The following KIF1C variants were observed in gnomAD, a reference collection of about 807,000 sequenced individuals.
KIF1C encodes kinesin family member 1C.
KIF1C carries 61 observed loss-of-function variants against 126.5 expected under a neutral mutation model. That is an observed-to-expected ratio of 0.48 (90% confidence interval 0.39 to 0.60). The LOEUF is 0.60. Ranked by LOEUF, KIF1C falls within the 20% of genes least tolerant of loss-of-function variation. KIF1C has a pLI of 0.00. For synonymous variants in KIF1C, 640 were observed against 580.6 expected (o/e 1.10, Z -1.47); for missense variants, 1,315 against 1,489.2 (o/e 0.88, Z 1.93).
chr17:5,014,659 C>A, intron 17 of KIF1C, 84 bp from the exon 18 acceptor site: 2 of 973,120 alleles, frequency 2.1e-6, no homozygotes, highest in South Asian at 2.9e-5. Flanking sequence ...TGGCTTGGTT[C>A]ATTGAGTTGG....
chr17:5,022,803 C>G lies in KIF1C; in HGVS notation c.2628+94C>G, dbSNP rs1002186843. 4 of 1,384,368 alleles carry G rather than the reference C, an allele frequency of 2.9e-6. No homozygotes were observed. Among genetic ancestry groups the G allele is most frequent in the African/African-American group, 2.9e-5 (2 of 68,750 alleles). The allele number at this position is 1,384,368 out of a possible 1,614,324, so 85.8% of individuals were successfully genotyped here. On this transcript the variant is annotated intron_variant, in intron 22 of 22. Transcript: ENST00000320785. The surrounding 1 kb of genome is among the most constrained non-coding windows in gnomAD (Gnocchi z 4.9). ...TCTCAGAGCCTAACCTTCCCCAAGT[C>G]TGGAAAAAATTGCATTGAAGTATAG...
At chr17:5,000,015 C>T in intron 2 of KIF1C, 45 bp downstream of exon 2, 1 of 537,956 alleles carries the variant, frequency 1.9e-6, no homozygotes, top group Middle Eastern at 5.0e-4. Flanking sequence ...TGGAATATGG[C>T]TGGGGAGAGA....
At chr17:5,017,464 C>T (rs531065974) in intron 18 of KIF1C, among the ~76,000 whole-genome samples, 4 of 151,960 alleles carry the variant, frequency 2.6e-5, no homozygotes, top group African/African-American at 7.3e-5. Context: ...CCACCACACC[C>T]GGCTCATTTT....
Position 5,026,531 on chromosome 17 carries a change from G to A in KIF1C, c.*2380G>A, listed in dbSNP as rs1359078527. 2.0e-5 allele frequency: 3 copies of A among 152,322 alleles called. No individual in the cohort carries two copies. The highest frequency in any genetic ancestry group is 7.3e-5 in the African/African-American group (3 of 41,326). 9.4% of individuals were successfully genotyped at this position (152,322 alleles called of 1,614,324 possible). ...TTGGGAGGCTGAGGCAGGAGGATCA[G>A]TTGAGTCCAGGAGTTCGAGACCAGC... On this transcript the variant is annotated 3_prime_UTR_variant, in exon 23 of 23. Transcript: ENST00000320785.
Position 5,024,210 on chromosome 17 carries a change from C to CCGAGA in KIF1C, c.*62_*66dup. On this transcript the variant is annotated 3_prime_UTR_variant, in exon 23 of 23. Coordinates refer to ENST00000320785, the MANE Select transcript of KIF1C (RefSeq NM_006612.6). ...CCCTTGCTAGGAGAAGGGAAGACGC[C>CCGAGA]CGAGACGCTGCTTCCCCAGAAGTGC... The CCGAGA allele has an allele frequency of 8.1e-7, 1 of 1,239,238 alleles. No homozygotes were observed. Among genetic ancestry groups the CCGAGA allele is most frequent in the South Asian group, 1.4e-5 (1 of 72,260 alleles). The allele number at this position is 1,239,238 out of a possible 1,614,324, so 76.8% of individuals were successfully genotyped here. A position where few individuals can be genotyped will look rare whatever the true frequency, so the allele number is the denominator to read the frequency against.
rs568166674 is a variant in KIF1C at position 5,027,135 on chromosome 17, T to C, written c.*2984T>C. 3 of 152,342 alleles carry C rather than the reference T, an allele frequency of 2.0e-5. No homozygotes were observed. Among genetic ancestry groups the C allele is most frequent in the Admixed American group, 6.5e-5 (1 of 15,304 alleles). The allele number at this position is 152,342 out of a possible 1,614,324, so 9.4% of individuals were successfully genotyped here. A position where few individuals can be genotyped will look rare whatever the true frequency, so the allele number is the denominator to read the frequency against. ...GAGGTTTTGTTTATTTATTTTTATTTATTTATTTTTTGAGACGGAGTCTCG... is the reference window on the plus strand; with the variant it reads ...GAGGTTTTGTTTATTTATTTTTATTCATTTATTTTTTGAGACGGAGTCTCG... On this transcript the variant is annotated 3_prime_UTR_variant, in exon 23 of 23. Coordinates refer to ENST00000320785, the MANE Select transcript of KIF1C (RefSeq NM_006612.6).
At position 5,022,988 on chromosome 17, in the gene KIF1C, A is replaced by C. The variant is rs1346535713; in HGVS notation, c.2628+279A>C. Among the ~76,000 whole-genome samples, 2 of 152,204 alleles carry C rather than the reference A, an allele frequency of 1.3e-5. No individual in the cohort carries two copies. Among genetic ancestry groups the C allele is most frequent in the South Asian group, 2.1e-4 (1 of 4,830 alleles). ...TCTGGGTGTTTCTGAAATACAGTGA[A>C]GTCTAAGACCCACTGATATAAAGTT... On this transcript the variant is annotated intron_variant, in intron 22 of 22. Transcript: ENST00000320785. This position sits in a 1 kb window ranked among gnomAD's most constrained non-coding sequence, Gnocchi z 4.9.
Position 5,023,964 on chromosome 17 carries a change from G to A in KIF1C, c.3125G>A (p.Gly1042Glu), listed in dbSNP as rs1202209298. 1.3e-6 allele frequency: 2 copies of A among 1,580,506 alleles called. No individual in the cohort carries two copies. The highest frequency in any genetic ancestry group is 1.4e-5 in the African/African-American group (1 of 73,684). Residue 1042 changes from glycine to glutamate, a missense_variant, in exon 23 of 23, where the codon GGA becomes GAA. By Grantham distance (98) the Gly-to-Glu change is moderately conservative. This residue lies in a region of KIF1C where 441 missense variants were observed against 436.1 expected (regional missense o/e 1.01). Coordinates refer to ENST00000320785, the MANE Select transcript of KIF1C (RefSeq NM_006612.6). The surrounding 1 kb of genome is among the most constrained non-coding windows in gnomAD (Gnocchi z 4.2). ...CTGGATGGAGGGGGCCGATCCCGGG[G>A]AGCGGGTTCTGCACAGCCTGAACCC... is the stretch of plus-strand genomic sequence containing the variant. ...NSLDGGGRSRGAGSAQPEPQH... is the reference protein window; with the variant it reads ...NSLDGGGRSREAGSAQPEPQH...
intron 18 of KIF1C, among the ~76,000 whole-genome samples, chr17:5,016,076 AC>A (rs1974965379): frequency 6.6e-6 from 1 of 150,802 alleles, no homozygotes; most frequent in Non-Finnish European, 1.5e-5. Flanking sequence ...TGCCTCAGAG[AC>A]CTAGGAGTGC....
In KIF1C at chr17:5,027,268, A is replaced by T. The variant is rs758378433; in HGVS notation, c.*3117A>T. 3.3e-5 allele frequency: 5 copies of T among 152,198 alleles called. No homozygotes were observed. The highest frequency in any genetic ancestry group is 5.9e-5 in the Non-Finnish European group (4 of 68,066). The allele number at this position is 152,198 out of a possible 1,614,324, so 9.4% of individuals were successfully genotyped here. A position where few individuals can be genotyped will look rare whatever the true frequency, so the allele number is the denominator to read the frequency against. On this transcript the variant is annotated 3_prime_UTR_variant, in exon 23 of 23. Transcript: ENST00000320785. ...CTCAGCCTCCTGAGTAGCTAGGATT[A>T]CAGGCGCCCACAACCGCACCCGGCT...
Position 5,025,619 on chromosome 17 carries a change from TC to T in KIF1C, c.*1470del, listed in dbSNP as rs1488718828. The T allele has an allele frequency of 6.6e-6, 1 of 151,722 alleles. No homozygotes were observed. Among genetic ancestry groups the T allele is most frequent in the East Asian group, 2.0e-4 (1 of 5,122 alleles). The allele number at this position is 151,722 out of a possible 1,614,324, so 9.4% of individuals were successfully genotyped here. A position where few individuals can be genotyped will look rare whatever the true frequency, so the allele number is the denominator to read the frequency against. Reference sequence around the variant, plus strand: ...TCACGAGGTCAGGAGATCGAGACCATCCTGGCTATCATGGTGAAACCCCATC... The same window carrying T: ...TCACGAGGTCAGGAGATCGAGACCATCTGGCTATCATGGTGAAACCCCATC... On this transcript the variant is annotated 3_prime_UTR_variant, in exon 23 of 23. Coordinates refer to ENST00000320785, the MANE Select transcript of KIF1C (RefSeq NM_006612.6).
Position 5,022,705 on chromosome 17 carries a change from C to T in KIF1C, c.2624C>T (p.Ala875Val). Reference protein sequence around the residue: ...MLRMERVIPLAQDHEDENEEG... With the variant: ...MLRMERVIPLVQDHEDENEEG... ...CGCATGGAGAGGGTCATCCCCCTGG[C>T]CCAGGTAGGACTGGCCTTCTGCCTC... is the stretch of plus-strand genomic sequence containing the variant. The change falls in exon 22 of 23, where the codon GCC becomes GTC. Residue 875 changes from alanine (A) to valine (V), a missense_variant. Around this residue, in one of 2 missense-constraint regions of KIF1C, gnomAD observed 441 missense variants for 436.1 expected, o/e 1.01. Coordinates refer to ENST00000320785, the MANE Select transcript of KIF1C (RefSeq NM_006612.6). The surrounding 1 kb of genome is among the most constrained non-coding windows in gnomAD (Gnocchi z 4.9). 1 of 1,538,788 alleles carries T rather than the reference C, an allele frequency of 6.5e-7. No individual in the cohort carries two copies. The highest frequency in any genetic ancestry group is 8.7e-7 in the Non-Finnish European group (1 of 1,144,608).
chr17:5,022,447 C>G lies in KIF1C; in HGVS notation c.2366C>G (p.Pro789Arg). Residue 789 changes from proline (P) to arginine (R), a missense_variant, in exon 22 of 23, where the codon CCA (proline) becomes CGA (arginine). By Grantham distance (103) the Pro-to-Arg change is moderately radical (BLOSUM62 -2). Coordinates refer to ENST00000320785, the MANE Select transcript of KIF1C (RefSeq NM_006612.6). The surrounding 1 kb of genome is among the most constrained non-coding windows in gnomAD (Gnocchi z 4.9). ...GAGCTGTGTCGCACCTATGGCAAGCCAGACGGCCCCGGAGACGCCTGGAGG... is the reference window on the plus strand; with the variant it reads ...GAGCTGTGTCGCACCTATGGCAAGCGAGACGGCCCCGGAGACGCCTGGAGG... ...MRELCRTYGK[P>R]DGPGDAWRAV... is the part of the protein sequence containing the mutation. 1 of 1,583,036 alleles carries G rather than the reference C, an allele frequency of 6.3e-7. No homozygotes were observed. Among genetic ancestry groups the G allele is most frequent in the South Asian group, 1.1e-5 (1 of 87,576 alleles).
chr17:5,021,419 G>T (rs866741705), intron 21 of KIF1C, among the ~76,000 whole-genome samples: 1 of 151,530 alleles, frequency 6.6e-6, no homozygotes, highest in Non-Finnish European at 1.5e-5. Context: ...CAGGTGATCC[G>T]CCTGCCTCAG....
chr17:5,014,931 G>A, intron 18 of KIF1C, 94 bp downstream of exon 18: 3 of 1,013,834 alleles, frequency 3.0e-6, no homozygotes, highest in Non-Finnish European at 4.4e-6. Context: ...TGGGCACCAG[G>A]GAGTGCAGCC....
In KIF1C at chr17:4,998,162, G is replaced by C. The variant is rs1477711393; in HGVS notation, c.-149+6G>C. On this transcript the variant is annotated splice_donor_region_variant and intron_variant, in intron 1 of 22. Transcript: ENST00000320785. The stretch of plus-strand genomic sequence containing the variant: ...GGGAGCCCCGCCGCGCCGAGGTGAG[G>C]GCTGGGGAAGGGGGAGGGAAGGGAC... The C allele has an allele frequency of 6.6e-6, 1 of 152,452 alleles. No homozygotes were observed. The highest frequency in any genetic ancestry group is 1.5e-5 in the Non-Finnish European group (1 of 68,242). 9.4% of individuals were successfully genotyped at this position (152,452 alleles called of 1,614,324 possible).
In KIF1C at chr17:5,022,524, G is replaced by A. The variant is rs776041349; in HGVS notation, c.2443G>A (p.Ala815Thr). 26 of 1,587,550 alleles carry A rather than the reference G, an allele frequency of 1.6e-5. No individual in the cohort carries two copies. Among genetic ancestry groups the A allele is most frequent in the Non-Finnish European group, 2.1e-5 (25 of 1,166,224 alleles). Residue 815 changes from alanine to threonine, a missense_variant, in exon 22 of 23, where the codon GCT becomes ACT. By Grantham distance (58) the Ala-to-Thr change is moderately conservative. This residue lies in a region of KIF1C where 441 missense variants were observed against 436.1 expected (regional missense o/e 1.01). Transcript: ENST00000320785. This position sits in a 1 kb window ranked among gnomAD's most constrained non-coding sequence, Gnocchi z 4.9. ...TGTAGGCGAGGAGGAAGGAGGTGGA[G>A]CTGGCAGTGGTGGTGGCAGTGAGGA... is the stretch of plus-strand genomic sequence containing the variant. ...DTVGEEEGGGAGSGGGSEEGA... is the reference protein window; with the variant it reads ...DTVGEEEGGGTGSGGGSEEGA...
At chr17:5,003,433 G>A (rs1469910951) in intron 8 of KIF1C, among the ~76,000 whole-genome samples, 179 bp from the exon 9 acceptor site, 1 of 152,086 alleles carries the variant, frequency 6.6e-6, no homozygotes, top group Non-Finnish European at 1.5e-5. Context: ...TTGTAATTGA[G>A]TGAGTAACCA....
In KIF1C at chr17:5,000,798, G is replaced by A. The variant is rs1288378400; in HGVS notation, c.133G>A (p.Asp45Asn). The A allele has an allele frequency of 1.9e-6, 3 of 1,614,070 alleles. No homozygotes were observed. Among genetic ancestry groups the A allele is most frequent in the Admixed American group, 1.7e-5 (1 of 60,016 alleles). Reference sequence around the variant, plus strand: ...CATCATCAATCCTAAACAGAGCAAGGATGCCCCCAAAAGCTTCACCTTTGA... The same window carrying A: ...CATCATCAATCCTAAACAGAGCAAGAATGCCCCCAAAAGCTTCACCTTTGA... The part of the protein sequence containing the change: ...TSIINPKQSK[D>N]APKSFTFDYS... The change falls in exon 4 of 23, where the codon GAT (aspartate) becomes AAT (asparagine). Residue 45 changes from aspartate (D) to asparagine (N), a missense_variant. Asp to Asn is a conservative substitution (Grantham distance 23, BLOSUM62 1). Transcript: ENST00000320785.
Sources: gnomAD v4.1 joint callset for allele counts (sites outside exome capture counted in the v4.1 genomes callset) on GRCh38, gnomAD v4.1.1 for gene constraint, gnomAD v4.1.1 regional missense constraint, Gnocchi (gnomAD v3.1) non-coding constraint, MANE v1.5 for transcripts, NCBI Gene and HGNC (gene_info 2026-07-23, HGNC 2026-07-21) for gene names.